Variants in VIPR2 observed in about 807,000 individuals in gnomAD.
The protein encoded by VIPR2 is vasoactive intestinal peptide receptor 2.
A neutral mutation model predicts 58.0 loss-of-function variants in VIPR2; 48 were observed. The observed-to-expected ratio is 0.83, with a 90% confidence interval of 0.66 to 1.05. VIPR2 has a LOEUF of 1.05. Ranked by LOEUF, VIPR2 falls within the 50% of genes least tolerant of loss-of-function variation. The probability of loss-of-function intolerance (pLI) is 0.00; values close to 1 mark genes in which losing one functional copy is unlikely to be tolerated. For synonymous variants in VIPR2, 243 were observed against 235.2 expected, an observed-to-expected ratio of 1.03 and a Z score of -0.30; for missense variants, 534 against 558.0, an observed-to-expected ratio of 0.96 and a Z score of 0.43.
chr7:159,032,309 A>G (rs1215458565), intron 10 of VIPR2, among the ~76,000 whole-genome samples: 1 of 152,108 alleles, frequency 6.6e-6, no homozygotes. Context: ...GTTTCTCCCA[A>G]ATTCCCTCAC....
At chr7:159,100,306 A>C (rs1025679205) in intron 4 of VIPR2, among the ~76,000 whole-genome samples, 1 of 152,224 alleles carries the variant, frequency 6.6e-6, no homozygotes, top group African/African-American at 2.4e-5. Context: ...TTTCAAGCCT[A>C]ACTAAAGTAA....
At chr7:159,101,569 G>A (rs1474401087) in intron 4 of VIPR2, among the ~76,000 whole-genome samples, 2 of 121,874 alleles carry the variant, frequency 1.6e-5, no homozygotes, top group African/African-American at 6.6e-5. Flanking sequence ...CTGTGGTAGT[G>A]AACGGGTCTC....
chr7:159,086,207 G>T lies in VIPR2; in HGVS notation c.357+17550C>A, dbSNP rs1381738346. 1.6e-4 allele frequency among the ~76,000 whole-genome samples: 24 copies of T among 152,174 alleles called. 1 individual carries two copies. Among genetic ancestry groups the T allele is most frequent in the Admixed American group, 1.6e-3 (24 of 15,274 alleles). On this transcript the variant is annotated intron_variant, in intron 4 of 12. Coordinates refer to ENST00000262178, the MANE Select transcript of VIPR2 (RefSeq NM_003382.5). Reference sequence around the variant, plus strand: ...AAATCAGGAGCTGCTAAGTCTAGTGGAGAACTCAGGGATGCCTGGGGTGGT... The same window carrying T: ...AAATCAGGAGCTGCTAAGTCTAGTGTAGAACTCAGGGATGCCTGGGGTGGT...
chr7:159,037,335 T>C (rs953410481), intron 6 of VIPR2, among the ~76,000 whole-genome samples: 9 of 152,112 alleles, frequency 5.9e-5, no homozygotes, highest in African/African-American at 1.9e-4. Flanking sequence ...CAGGAGGTCA[T>C]GTGTGGGGCG....
intron 2 of VIPR2, chr7:159,117,380 GA>G: frequency 1.4e-6 from 1 of 717,512 alleles, no homozygotes; most frequent in Non-Finnish European, 2.6e-6. Context: ...CCTCCGGCGT[GA>G]ATGAGGATGA....
At position 159,031,575 on chromosome 7, in the gene VIPR2, C is replaced by G; in HGVS notation, c.1143+253G>C. 2 of 985,364 alleles carry G rather than the reference C, an allele frequency of 2.0e-6. No individual in the cohort carries two copies. Among genetic ancestry groups the G allele is most frequent in the Non-Finnish European group, 1.2e-6 (1 of 829,926 alleles). 61.0% of individuals were successfully genotyped at this position (985,364 alleles called of 1,614,324 possible). On this transcript the variant is annotated intron_variant, in intron 12 of 12. Transcript: ENST00000262178. This position sits in a 1 kb window ranked among gnomAD's most constrained non-coding sequence, Gnocchi z 4.0. Reference sequence around the variant, plus strand: ...CCGGCCGGGAGCTTTCCCGAGAGGGCTCCGAGACGGACGGCAGTCGATGCT... The same window carrying G: ...CCGGCCGGGAGCTTTCCCGAGAGGGGTCCGAGACGGACGGCAGTCGATGCT...
chr7:159,030,480 C>T lies in VIPR2; in HGVS notation c.*136G>A. On this transcript the variant is annotated 3_prime_UTR_variant, in exon 13 of 13. Coordinates refer to ENST00000262178, the MANE Select transcript of VIPR2 (RefSeq NM_003382.5). The stretch of plus-strand genomic sequence containing the variant: ...CCAGGTATGGGGTTTAGTGGACAAC[C>T]AGCTTGACGGAGTCAGGACCGCGCT... 1 of 1,098,056 alleles carries T rather than the reference C, an allele frequency of 9.1e-7. No individual in the cohort carries two copies. Among genetic ancestry groups the T allele is most frequent in the Non-Finnish European group, 1.2e-6 (1 of 806,410 alleles). 68.0% of individuals were successfully genotyped at this position (1,098,056 alleles called of 1,614,324 possible). A position where few individuals can be genotyped will look rare whatever the true frequency, so the allele number is the denominator to read the frequency against.
rs183433583 is a variant in VIPR2, at chr7:159,093,073, T to C, written c.357+10684A>G. The stretch of plus-strand genomic sequence containing the variant: ...CCACTTCTGCACTGGTGCCGTCCAC[T>C]CAGAGAACCCGTCTAGCAGCGGAGA... On this transcript the variant is annotated intron_variant, in intron 4 of 12. Transcript: ENST00000262178. This position sits in a 1 kb window ranked among gnomAD's most constrained non-coding sequence, Gnocchi z 6.7. Among the ~76,000 whole-genome samples the C allele has an allele frequency of 0.012, 1,768 of 152,156 alleles. 15 individuals are homozygous for C. Among genetic ancestry groups the C allele is most frequent in the Non-Finnish European group, 0.019 (1,262 of 67,988 alleles).
At chr7:159,050,366 CA>C (rs1160673316) in intron 5 of VIPR2, among the ~76,000 whole-genome samples, 2 of 129,696 alleles carry the variant, frequency 1.5e-5, no homozygotes, top group African/African-American at 5.6e-5. Flanking sequence ...AAAAAAAAAA[CA>C]AAAAAAAACA....
chr7:159,066,607 T>C (rs1273429773), intron 4 of VIPR2, among the ~76,000 whole-genome samples: 1 of 152,242 alleles, frequency 6.6e-6, no homozygotes, highest in Non-Finnish European at 1.5e-5. Flanking sequence ...TTGGACAGCC[T>C]CTGCTCTGGG....
At position 159,031,698 on chromosome 7, in the gene VIPR2, T is replaced by G. The variant is rs1853595475; in HGVS notation, c.1143+130A>C. The G allele has an allele frequency of 6.5e-7, 1 of 1,545,954 alleles. No individual in the cohort carries two copies. The highest frequency in any genetic ancestry group is 2.3e-5 in the East Asian group (1 of 43,476). On this transcript the variant is annotated intron_variant, in intron 12 of 12. Transcript: ENST00000262178. This position sits in a 1 kb window ranked among gnomAD's most constrained non-coding sequence, Gnocchi z 4.0. ...GGGTTCTCTGATGGGGACACAGAAC[T>G]GTGGGGTCCCGGGCAGTAACTCGAG...
intron 2 of VIPR2, among the ~76,000 whole-genome samples, chr7:159,116,209 G>A (rs897620769): frequency 1.5e-4 from 23 of 152,196 alleles, no homozygotes; most frequent in Non-Finnish European, 2.6e-4. Flanking sequence ...CTTGGGTGAC[G>A]TGGGCAGAAC....
intron 2 of VIPR2, among the ~76,000 whole-genome samples, chr7:159,126,645 G>T (rs1402472553): frequency 6.6e-6 from 1 of 152,176 alleles, no homozygotes; most frequent in Non-Finnish European, 1.5e-5. Flanking sequence ...AGCTGCAGCC[G>T]AGAGCTGAGG....
chr7:159,144,401 G>A, intron 1 of VIPR2: 2 of 1,546,196 alleles, frequency 1.3e-6, no homozygotes, highest in Non-Finnish European at 1.7e-6. Flanking sequence ...CCCAGCTCCC[G>A]GGACGGCCCC....
rs1183961439 is a variant in VIPR2 at position 159,030,455 on chromosome 7, C to G, written c.*161G>C. On this transcript the variant is annotated 3_prime_UTR_variant, in exon 13 of 13. Coordinates refer to ENST00000262178, the MANE Select transcript of VIPR2 (RefSeq NM_003382.5). ...AGTCAATGACAACACGACTCCAATT[C>G]CAGGTATGGGGTTTAGTGGACAACC... The G allele has an allele frequency of 1.3e-6, 1 of 760,026 alleles. No individual in the cohort carries two copies. Among genetic ancestry groups the G allele is most frequent in the African/African-American group, 1.8e-5 (1 of 54,472 alleles). 47.1% of individuals were successfully genotyped at this position (760,026 alleles called of 1,614,324 possible). A position where few individuals can be genotyped will look rare whatever the true frequency, so the allele number is the denominator to read the frequency against.
chr7:159,136,017 C>A (rs1797207563), intron 2 of VIPR2, among the ~76,000 whole-genome samples: 1 of 152,184 alleles, frequency 6.6e-6, no homozygotes, highest in Non-Finnish European at 1.5e-5. Context: ...AGGTTCGAGT[C>A]CCAAGTCCCC....
Position 159,097,359 on chromosome 7 carries a change from C to T in VIPR2, c.357+6398G>A, listed in dbSNP as rs376452686. ...AGTTCTCTTGGCTAAATTTAGCAGA[C>T]GTGCTCTTTATGTAAGAACGGAGTT... On this transcript the variant is annotated intron_variant, in intron 4 of 12. Transcript: ENST00000262178. The surrounding 1 kb of genome is among the most constrained non-coding windows in gnomAD (Gnocchi z 5.3). Among the ~76,000 whole-genome samples, 10 of 152,206 alleles carry T rather than the reference C, an allele frequency of 6.6e-5. No individual in the cohort carries two copies. The highest frequency in any genetic ancestry group is 5.8e-4 in the East Asian group (3 of 5,200).
chr7:159,076,248 A>G (rs1281553696), intron 4 of VIPR2, among the ~76,000 whole-genome samples: 1 of 152,218 alleles, frequency 6.6e-6, no homozygotes, highest in Non-Finnish European at 1.5e-5. Context: ...ACATATTAGA[A>G]AAGAAAAAAA....
chr7:159,111,050 A>G (rs200458625), intron 2 of VIPR2, among the ~76,000 whole-genome samples: 174 of 152,368 alleles, frequency 1.1e-3, no homozygotes, highest in Non-Finnish European at 2.2e-3. Context: ...ACAAGTGATC[A>G]AATGTAAATG....
Sources: allele counts gnomAD v4.1 joint callset (sites outside exome capture counted in the v4.1 genomes callset), GRCh38; gene constraint gnomAD v4.1.1; non-coding constraint Gnocchi (gnomAD v3.1); transcripts MANE v1.5; gene names NCBI Gene and HGNC (gene_info 2026-07-23, HGNC 2026-07-21).